Variants in NRCAM observed in about 807,000 individuals in gnomAD.
The protein encoded by NRCAM is neuronal cell adhesion molecule, also known as NgCAM-related cell adhesion molecule.
A neutral mutation model predicts 156.5 loss-of-function variants in NRCAM; 83 were observed. The ratio of observed to expected loss-of-function variants is 0.53; its 90% confidence interval spans 0.44 to 0.64. NRCAM has a LOEUF of 0.64. Ranked by LOEUF, NRCAM falls within the 30% of genes least tolerant of loss-of-function variation. The pLI is 0.00. For missense variants in NRCAM, 1,417 were observed against 1,597.3 expected, an observed-to-expected ratio of 0.89 and a Z score of 1.92; for synonymous variants, 538 against 563.9, an observed-to-expected ratio of 0.95 and a Z score of 0.65.
intron 2 of NRCAM, among the ~76,000 whole-genome samples, chr7:108,383,936 G>A (rs1040034683): frequency 3.9e-5 from 6 of 152,152 alleles, no homozygotes; most frequent in Admixed American, 3.9e-4. Context: ...TTGAAGTGGT[G>A]CATTTGGTTT....
intron 32 of NRCAM, among the ~76,000 whole-genome samples, chr7:108,154,967 T>C (rs1283764273): frequency 1.3e-5 from 2 of 151,952 alleles, no homozygotes; most frequent in Non-Finnish European, 2.9e-5. Context: ...AATTTTGTAA[T>C]GAAATAGTAA....
chr7:108,426,938 C>T (rs1250772312), intron 1 of NRCAM, among the ~76,000 whole-genome samples: 7 of 152,154 alleles, frequency 4.6e-5, no homozygotes, highest in Admixed American at 4.6e-4. Context: ...TTATTGCTCC[C>T]CATTGTGCAG....
intron 3 of NRCAM, among the ~76,000 whole-genome samples, chr7:108,243,565 A>G (rs2095686364): frequency 6.6e-6 from 1 of 152,240 alleles, no homozygotes; most frequent in Non-Finnish European, 1.5e-5. Flanking sequence ...TAAAATCCCA[A>G]TTTGAAATAG....
chr7:108,166,799 C>T, intron 30 of NRCAM, 122 bp downstream of exon 30: 3 of 745,358 alleles, frequency 4.0e-6, no homozygotes, highest in Non-Finnish European at 6.0e-6. Context: ...CCAACAGGGC[C>T]CCATAGAAAG....
chr7:108,323,588 C>T (rs79062589), intron 2 of NRCAM, among the ~76,000 whole-genome samples: 1,966 of 152,302 alleles, frequency 0.013, 36 homozygotes, highest in African/African-American at 0.044. Flanking sequence ...AAGTTATTAA[C>T]TTATTTGGCA....
intron 1 of NRCAM, among the ~76,000 whole-genome samples, chr7:108,438,321 A>G (rs1834618010): frequency 6.6e-6 from 1 of 152,172 alleles, no homozygotes; most frequent in South Asian, 2.1e-4. Context: ...AAAGCATTGT[A>G]CAATATGACC....
At chr7:108,412,898 T>C (rs536431263) in intron 1 of NRCAM, among the ~76,000 whole-genome samples, 2 of 152,222 alleles carry the variant, frequency 1.3e-5, no homozygotes, top group African/African-American at 4.8e-5. Context: ...TATGGCTATA[T>C]AGTATTCTAT....
chr7:108,373,393 G>C (rs1221744637), intron 2 of NRCAM, among the ~76,000 whole-genome samples: 1 of 152,132 alleles, frequency 6.6e-6, no homozygotes, highest in Non-Finnish European at 1.5e-5. Context: ...GTGAAAGGCT[G>C]CTTCAAAAAA....
At chr7:108,375,935 C>A (rs553181281) in intron 2 of NRCAM, among the ~76,000 whole-genome samples, 51 of 152,308 alleles carry the variant, frequency 3.3e-4, no homozygotes, top group Admixed American at 9.2e-4. Flanking sequence ...AGGAACATTT[C>A]AATATGACTG....
At chr7:108,235,046 G>T (rs1256644090) in intron 5 of NRCAM, among the ~76,000 whole-genome samples, 7 of 152,064 alleles carry the variant, frequency 4.6e-5, no homozygotes, top group Admixed American at 4.6e-4. Flanking sequence ...TTTTTCAAAG[G>T]AATTTAAGTT....
intron 2 of NRCAM, among the ~76,000 whole-genome samples, chr7:108,321,290 G>C (rs904615490): frequency 2.0e-5 from 3 of 152,270 alleles, no homozygotes; most frequent in African/African-American, 7.2e-5. Flanking sequence ...AGTAATACCT[G>C]AGATTGCTTA....
chr7:108,384,179 C>T (rs2099724123), intron 2 of NRCAM, among the ~76,000 whole-genome samples: 1 of 151,964 alleles, frequency 6.6e-6, no homozygotes. Flanking sequence ...ATAATATGTA[C>T]AACAAACCCC....
At chr7:108,191,124 A>G (rs945898790) in intron 19 of NRCAM, 130 bp downstream of exon 19, 7 of 666,074 alleles carry the variant, frequency 1.1e-5, no homozygotes, top group African/African-American at 7.4e-5. Context: ...GTGACACAAC[A>G]TAACAACTGA....
chr7:108,272,350 T>C (rs935991246), intron 3 of NRCAM, among the ~76,000 whole-genome samples: 4 of 152,178 alleles, frequency 2.6e-5, no homozygotes, highest in Admixed American at 2.6e-4. Flanking sequence ...CCAGCAACTA[T>C]TGGGGCAGTA....
chr7:108,231,279 G>A, intron 7 of NRCAM, 126 bp from the exon 8 acceptor site: 5 of 618,676 alleles, frequency 8.1e-6, no homozygotes, highest in South Asian at 2.7e-5. Context: ...CTAAATTAAT[G>A]AGAAAATATT....
At chr7:108,293,251 C>T (rs1265824012) in intron 3 of NRCAM, among the ~76,000 whole-genome samples, 1 of 152,162 alleles carries the variant, frequency 6.6e-6, no homozygotes, top group African/African-American at 2.4e-5. Context: ...ATCATGAAAA[C>T]TGTGCTTCTA....
At chr7:108,407,254 C>A (rs899864976) in intron 1 of NRCAM, among the ~76,000 whole-genome samples, 4 of 152,274 alleles carry the variant, frequency 2.6e-5, no homozygotes, top group Admixed American at 2.6e-4. Context: ...TCTATAAAAT[C>A]ATTTTTAGTG....
At chr7:108,405,312 T>A (rs946757757) in intron 1 of NRCAM, among the ~76,000 whole-genome samples, 8 of 152,214 alleles carry the variant, frequency 5.3e-5, no homozygotes, top group African/African-American at 1.9e-4. Flanking sequence ...CACGCCTCAG[T>A]GCGGCTTCTT....
chr7:108,315,650 C>G (rs1242371368), intron 2 of NRCAM, among the ~76,000 whole-genome samples: 4 of 152,190 alleles, frequency 2.6e-5, no homozygotes, highest in African/African-American at 9.6e-5. Context: ...AAGTTTAGCA[C>G]CAAGTTCAGC....
Sources: allele counts gnomAD v4.1 joint callset (sites outside exome capture counted in the v4.1 genomes callset), GRCh38; gene constraint gnomAD v4.1.1; transcripts MANE v1.5; gene names NCBI Gene and HGNC (gene_info 2026-07-23, HGNC 2026-07-21).